Variants in ATP8B1 observed in about 807,000 individuals in gnomAD.
The protein encoded by ATP8B1 is phospholipid-transporting ATPase IC.
ATP8B1 carries 80 observed loss-of-function variants against 149.9 expected under a neutral mutation model. The observed-to-expected ratio is 0.53, with a 90% CI of 0.45 to 0.64. The LOEUF (loss-of-function observed/expected upper bound fraction) is 0.64. Among genes scored for constraint, ATP8B1 ranks in the 30% least tolerant of loss-of-function variants. The probability of loss-of-function intolerance (pLI) is 0.00; values close to 1 mark genes in which losing one functional copy is unlikely to be tolerated. For synonymous variants in ATP8B1, 536 were observed against 562.8 expected (o/e 0.95, Z 0.67); for missense variants, 1,247 against 1,552.6 (o/e 0.80, Z 3.31).
intron 6 of ATP8B1, among the ~76,000 whole-genome samples, chr18:57,698,347 A>ATT (rs11388498): frequency 6.7e-6 from 1 of 149,586 alleles, no homozygotes; most frequent in East Asian, 2.0e-4. Flanking sequence ...TTATTTATTA[A>ATT]TTTTTTTTTT....
chr18:57,788,701 T>C (rs1041709709), intron 1 of ATP8B1, among the ~76,000 whole-genome samples: 2 of 152,142 alleles, frequency 1.3e-5, no homozygotes, highest in African/African-American at 4.8e-5. Context: ...ATCTGTCCCA[T>C]GGGGATAATT....
At chr18:57,671,180 G>A (rs1409208831) in intron 17 of ATP8B1, among the ~76,000 whole-genome samples, 1 of 152,178 alleles carries the variant, frequency 6.6e-6, no homozygotes, top group Non-Finnish European at 1.5e-5. Context: ...TATGTAGCTT[G>A]CTCAAGGCCA....
At position 57,721,228 on chromosome 18, in the gene ATP8B1, T is replaced by A. The variant is rs1303151328; in HGVS notation, c.181+10399A>T. Among the ~76,000 whole-genome samples, 8 of 142,986 alleles carry A rather than the reference T, an allele frequency of 5.6e-5. No homozygotes were observed. In the East Asian group the frequency reaches 1.3e-3, roughly 22 times the overall value. 93.8% of individuals were successfully genotyped at this position (142,986 alleles called of 152,430 possible). A position where few individuals can be genotyped will look rare whatever the true frequency, so the allele number is the denominator to read the frequency against. On this transcript the variant is annotated intron_variant, in intron 2 of 27. Coordinates refer to ENST00000648908, the MANE Select transcript of ATP8B1 (RefSeq NM_001374385.1). ...ACCAGCTAACATCATAATGACAGGA[T>A]CAAATTCACACATAACAATATTCAC...
chr18:57,746,467 CTTTT>C (rs71171082), intron 1 of ATP8B1, among the ~76,000 whole-genome samples: 10 of 94,118 alleles, frequency 1.1e-4, no homozygotes, highest in African/African-American at 4.3e-4. Context: ...CTGATGCTTA[CTTTT>C]TTTTTTTTTT....
intron 6 of ATP8B1, 74 bp downstream of exon 6, chr18:57,700,965 T>C: frequency 7.1e-7 from 1 of 1,407,196 alleles, no homozygotes; most frequent in South Asian, 1.2e-5. Context: ...ATTGTAATAA[T>C]TATCTCTGAA....
intron 22 of ATP8B1, among the ~76,000 whole-genome samples, chr18:57,660,453 A>G (rs1442861496): frequency 6.6e-6 from 1 of 152,246 alleles, no homozygotes; most frequent in African/African-American, 2.4e-5. Context: ...GATATTGTCA[A>G]AGCAAGCACC....
intron 20 of ATP8B1, 44 bp from the exon 21 acceptor site, chr18:57,662,659 A>T: frequency 6.2e-7 from 1 of 1,607,918 alleles, no homozygotes; most frequent in Non-Finnish European, 8.5e-7. Context: ...AAGACCCTAA[A>T]TAGGCCCTTG....
At chr18:57,699,669 G>T (rs777794748) in intron 6 of ATP8B1, among the ~76,000 whole-genome samples, 1 of 152,102 alleles carries the variant, frequency 6.6e-6, no homozygotes, top group Non-Finnish European at 1.5e-5. Context: ...TGCAGTGAGC[G>T]GAGATCGCGC....
chr18:57,794,832 T>C (rs1161650155), intron 1 of ATP8B1, among the ~76,000 whole-genome samples: 2 of 144,282 alleles, frequency 1.4e-5, no homozygotes, highest in Non-Finnish European at 3.0e-5. Flanking sequence ...AAGAATGGCA[T>C]ATGACTGCCA....
chr18:57,771,305 G>A (rs2080260977), intron 1 of ATP8B1, among the ~76,000 whole-genome samples: 1 of 152,228 alleles, frequency 6.6e-6, no homozygotes, highest in Admixed American at 6.5e-5. Flanking sequence ...ACCTCCTTTA[G>A]AGGATATGGG....
chr18:57,663,969 G>A (rs1444384033), intron 20 of ATP8B1, among the ~76,000 whole-genome samples: 1 of 150,618 alleles, frequency 6.6e-6, no homozygotes, highest in Non-Finnish European at 1.5e-5. Flanking sequence ...GTTTCACCAT[G>A]TTGGCCAGGA....
chr18:57,766,834 C>T (rs114058921), intron 1 of ATP8B1, among the ~76,000 whole-genome samples: 2,311 of 152,298 alleles, frequency 0.015, 66 homozygotes, highest in African/African-American at 0.053. Context: ...ATGCATCCAC[C>T]TGTCCTAGGA....
chr18:57,726,556 T>G (rs1167580612), intron 2 of ATP8B1, among the ~76,000 whole-genome samples: 1 of 152,208 alleles, frequency 6.6e-6, no homozygotes, highest in East Asian at 1.9e-4. Flanking sequence ...GAGGTTCTGA[T>G]GTACAGGCAG....
Position 57,652,074 on chromosome 18 carries a change from A to G in ATP8B1, c.3360T>C (p.Ala1120=), listed in dbSNP as rs112868885. 6.2e-7 allele frequency: 1 copy of G among 1,614,104 alleles called. No homozygotes were observed. The highest frequency in any genetic ancestry group is 1.7e-5 in the Admixed American group (1 of 60,026). Residue 1120 remains alanine (A), a synonymous_variant, in exon 26 of 28, where the codon GCT becomes GCC. Coordinates refer to ENST00000648908, the MANE Select transcript of ATP8B1 (RefSeq NM_001374385.1). ...CAGATGGAAAGAGAACATGTATTCCAGCACTATGAAAGTCAAACATGATGC... is the reference window on the plus strand; with the variant it reads ...CAGATGGAAAGAGAACATGTATTCCGGCACTATGAAAGTCAAACATGATGC... The part of the protein sequence containing the change: ...YFGIMFDFHS[A]GIHVLFPSAF...
chr18:57,787,350 G>A (rs2080419134), intron 1 of ATP8B1, among the ~76,000 whole-genome samples: 1 of 152,168 alleles, frequency 6.6e-6, no homozygotes, highest in African/African-American at 2.4e-5. Flanking sequence ...CTGATAAAAA[G>A]TGAGCCTAAA....
At chr18:57,649,580 A>G (rs570330956) in intron 27 of ATP8B1, among the ~76,000 whole-genome samples, 7 of 152,164 alleles carry the variant, frequency 4.6e-5, no homozygotes, top group African/African-American at 1.4e-4. Context: ...ATGGAAATTG[A>G]TTGTATTCAG....
intron 1 of ATP8B1, among the ~76,000 whole-genome samples, chr18:57,751,718 C>T (rs758264394): frequency 6.6e-6 from 1 of 152,184 alleles, no homozygotes; most frequent in South Asian, 2.1e-4. Context: ...TTGCAGGCCC[C>T]ACCCTAGCTC....
intron 22 of ATP8B1, among the ~76,000 whole-genome samples, chr18:57,656,998 C>A (rs1330764622): frequency 6.6e-6 from 1 of 151,502 alleles, no homozygotes; most frequent in African/African-American, 2.4e-5. Context: ...TCTTTTTTTT[C>A]TTTTAAGTTA....
At position 57,797,708 on chromosome 18, in the gene ATP8B1, T is replaced by TTC. The variant is rs1568076499; in HGVS notation, c.-26+5289_-26+5290insGA. 1.2e-4 allele frequency among the ~76,000 whole-genome samples: 16 copies of TTC among 138,508 alleles called. No individual in the cohort carries two copies. The East Asian group carries it at 1.6e-3, about 14-fold the overall frequency. 90.9% of individuals were successfully genotyped at this position (138,508 alleles called of 152,430 possible). A position where few individuals can be genotyped will look rare whatever the true frequency, so the allele number is the denominator to read the frequency against. On this transcript the variant is annotated intron_variant, in intron 1 of 27. Coordinates refer to ENST00000648908, the MANE Select transcript of ATP8B1 (RefSeq NM_001374385.1). ...CTGATCTGCTTTCTTTCTTTCTTTT[T>TTC]TTTTTTTTTTTTTTTTTGAGATGGA...
Sources: allele counts gnomAD v4.1 joint callset (sites outside exome capture counted in the v4.1 genomes callset), GRCh38; gene constraint gnomAD v4.1.1; transcripts MANE v1.5; gene names NCBI Gene and HGNC (gene_info 2026-07-23, HGNC 2026-07-21).